MYO1B: variants seen among roughly 807,000 people sequenced by gnomAD.
The protein encoded by MYO1B is unconventional myosin-Ib.
MYO1B carries 72 observed loss-of-function variants against 159.7 expected under a neutral mutation model. That is an observed-to-expected ratio of 0.45 (90% CI 0.37 to 0.55). The LOEUF is 0.55. MYO1B is among the 20% of genes least tolerant of loss of function. MYO1B has a pLI of 0.00. For synonymous variants in MYO1B, 468 were observed against 473.8 expected (o/e 0.99, Z 0.16); for missense variants, 1,062 against 1,364.8 (o/e 0.78, Z 3.50).
chr2:191,399,110 A>AT (rs1696421811), intron 21 of MYO1B, among the ~76,000 whole-genome samples: 1 of 152,134 alleles, frequency 6.6e-6, no homozygotes, highest in Admixed American at 6.5e-5. Flanking sequence ...CCAAAAAAAA[A>AT]CGAAAACCAG....
chr2:191,369,566 G>A lies in MYO1B; in HGVS notation c.1057G>A (p.Ala353Thr), dbSNP rs1391169661. ...AQAYYARDAL[A>T]KNLYSRLFSW... is the part of the protein sequence containing the mutation. Reference sequence around the variant, plus strand: ...GGCTTATTATGCCCGTGATGCTCTGGCTAAAAACCTCTACAGCAGGTTGTT... The same window carrying A: ...GGCTTATTATGCCCGTGATGCTCTGACTAAAAACCTCTACAGCAGGTTGTT... Residue 353 changes from alanine (A) to threonine (T), a missense_variant, in exon 12 of 31, where the codon GCT becomes ACT. Coordinates refer to ENST00000392318, the MANE Select transcript of MYO1B (RefSeq NM_001130158.3). 3 of 1,613,220 alleles carry A rather than the reference G, an allele frequency of 1.9e-6. No individual in the cohort carries two copies. Among genetic ancestry groups the A allele is most frequent in the Non-Finnish European group, 2.5e-6 (3 of 1,179,444 alleles).
intron 1 of MYO1B, among the ~76,000 whole-genome samples, chr2:191,267,945 G>C (rs921528747): frequency 6.6e-6 from 1 of 152,192 alleles, no homozygotes; most frequent in African/African-American, 2.4e-5. Flanking sequence ...AGAATGGGCT[G>C]TGCCTGTCTA....
intron 1 of MYO1B, 44 bp from the exon 2 acceptor site, chr2:191,276,843 T>A: frequency 6.4e-7 from 1 of 1,564,602 alleles, no homozygotes; most frequent in Non-Finnish European, 8.6e-7. Flanking sequence ...CTATTTGAAA[T>A]TATTTTGCTC....
chr2:191,298,568 T>C (rs1349746805), intron 3 of MYO1B, among the ~76,000 whole-genome samples: 3 of 152,182 alleles, frequency 2.0e-5, no homozygotes, highest in African/African-American at 7.2e-5. Context: ...CTTAGGCGCA[T>C]GTAAGTCTGA....
intron 2 of MYO1B, among the ~76,000 whole-genome samples, chr2:191,286,017 G>A (rs1263833911): frequency 6.6e-6 from 1 of 152,056 alleles, no homozygotes. Flanking sequence ...CAGAGCTTTG[G>A]GATGAAACTC....
chr2:191,373,543 A>G (rs773106335), intron 13 of MYO1B, among the ~76,000 whole-genome samples: 15 of 152,198 alleles, frequency 9.9e-5, no homozygotes, highest in African/African-American at 1.4e-4. Flanking sequence ...TGGGAGGCCA[A>G]CGTGCGTGGA....
intron 3 of MYO1B, among the ~76,000 whole-genome samples, chr2:191,300,225 C>T (rs1187817920): frequency 6.6e-6 from 1 of 152,120 alleles, no homozygotes; most frequent in Admixed American, 6.5e-5. Context: ...GTAAATATTT[C>T]ATGAATTTAG....
chr2:191,260,618 G>A (rs1218753642), intron 1 of MYO1B, among the ~76,000 whole-genome samples: 1 of 152,000 alleles, frequency 6.6e-6, no homozygotes, highest in African/African-American at 2.4e-5. Flanking sequence ...GATTTTTCTG[G>A]GAGCCTTTGC....
At chr2:191,308,191 TA>T (rs1228486954) in intron 3 of MYO1B, among the ~76,000 whole-genome samples, 2 of 152,126 alleles carry the variant, frequency 1.3e-5, no homozygotes, top group African/African-American at 4.8e-5. Context: ...TTGTTATGAA[TA>T]ATACAAGATA....
chr2:191,357,148 AT>A (rs930829788), intron 7 of MYO1B, among the ~76,000 whole-genome samples: 7 of 151,742 alleles, frequency 4.6e-5, no homozygotes, highest in Non-Finnish European at 1.0e-4. Flanking sequence ...ATGTGATGTG[AT>A]TTTTTTTTCT....
chr2:191,344,532 T>G (rs559593274), intron 5 of MYO1B, among the ~76,000 whole-genome samples: 37 of 152,228 alleles, frequency 2.4e-4, no homozygotes, highest in African/African-American at 8.2e-4. Context: ...AACTATCTTT[T>G]TAAGAATCAA....
At chr2:191,290,416 T>A (rs1688625088) in intron 2 of MYO1B, among the ~76,000 whole-genome samples, 1 of 152,212 alleles carries the variant, frequency 6.6e-6, no homozygotes. Context: ...GGTTAAGGAG[T>A]GCTGTGTAGC....
rs1265024071 is a variant in MYO1B, at chr2:191,245,476, C to G, written c.-160C>G. The G allele has an allele frequency of 6.6e-6, 1 of 152,054 alleles. No homozygotes were observed. The highest frequency in any genetic ancestry group is 1.5e-5 in the Non-Finnish European group (1 of 68,014). 9.4% of individuals were successfully genotyped at this position (152,054 alleles called of 1,614,324 possible). ...GGAGGCAGTACCAGAGCGCGCGGCG[C>G]GCAGTCGGCCGGCAGCCGCGGGACA... On this transcript the variant is annotated 5_prime_UTR_variant, in exon 1 of 31. Transcript: ENST00000392318.
At chr2:191,346,160 A>G in intron 5 of MYO1B, 76 bp from the exon 6 acceptor site, 14 of 1,108,286 alleles carry the variant, frequency 1.3e-5, no homozygotes, top group Non-Finnish European at 1.7e-5. Flanking sequence ...TAGATTTCAA[A>G]TACTGTATTT....
intron 6 of MYO1B, among the ~76,000 whole-genome samples, chr2:191,349,258 G>T (rs1221236713): frequency 1.3e-5 from 2 of 152,188 alleles, no homozygotes; most frequent in Non-Finnish European, 2.9e-5. Flanking sequence ...GAGGACCCAT[G>T]ATGATGAAAA....
intron 3 of MYO1B, among the ~76,000 whole-genome samples, chr2:191,310,767 T>C (rs1689954788): frequency 6.6e-6 from 1 of 152,216 alleles, no homozygotes; most frequent in East Asian, 1.9e-4. Flanking sequence ...AATTGCAAGC[T>C]ATGTGTCTGG....
At chr2:191,254,494 G>A (rs950590969) in intron 1 of MYO1B, among the ~76,000 whole-genome samples, 1 of 149,978 alleles carries the variant, frequency 6.7e-6, no homozygotes, top group Non-Finnish European at 1.5e-5. Flanking sequence ...ACAGGCGTGA[G>A]CCACCGCGCC....
intron 3 of MYO1B, among the ~76,000 whole-genome samples, chr2:191,326,807 T>TGC (rs1691116929): frequency 6.9e-6 from 1 of 145,528 alleles, no homozygotes; most frequent in Non-Finnish European, 1.5e-5. Flanking sequence ...TGTGTGTGTG[T>TGC]GTGTGTGTGC....
intron 11 of MYO1B, among the ~76,000 whole-genome samples, chr2:191,369,139 C>T (rs538768372): frequency 1.2e-3 from 179 of 152,228 alleles, no homozygotes; most frequent in Admixed American, 3.2e-3. Context: ...TTTCACATTA[C>T]GCGAGCATTT....
Sources: allele counts gnomAD v4.1 joint callset (sites outside exome capture counted in the v4.1 genomes callset), GRCh38; gene constraint gnomAD v4.1.1; transcripts MANE v1.5; gene names NCBI Gene and HGNC (gene_info 2026-07-23, HGNC 2026-07-21).